ZIM2: variants seen among roughly 807,000 people sequenced by gnomAD.
ZIM2 encodes zinc finger imprinted 2.
A neutral mutation model predicts 38.6 loss-of-function variants in ZIM2; 14 were observed. The ratio of observed to expected loss-of-function variants is 0.36; its 90% CI spans 0.24 to 0.57. The LOEUF is 0.57. Ranked by LOEUF, ZIM2 falls within the 20% of genes least tolerant of loss-of-function variation. The pLI is 0.81. For missense variants in ZIM2, 680 were observed against 695.1 expected (o/e 0.98, Z 0.24); for synonymous variants, 247 against 245.8 (o/e 1.00, Z -0.04).
intron 9 of ZIM2, among the ~76,000 whole-genome samples, chr19:56,796,302 TAC>T (rs1330996895): frequency 6.6e-6 from 1 of 152,264 alleles, no homozygotes; most frequent in African/African-American, 2.4e-5. Context: ...GTACAGTACC[TAC>T]ACATCATTCT....
chr19:56,779,300 G>A, intron 12 of ZIM2, 77 bp downstream of exon 12: 1 of 1,486,330 alleles, frequency 6.7e-7, no homozygotes. Flanking sequence ...CTGGCCCAGG[G>A]GACTTTGAGG....
At chr19:56,786,400 G>A (rs142921141) in intron 10 of ZIM2, among the ~76,000 whole-genome samples, 4 of 152,030 alleles carry the variant, frequency 2.6e-5, no homozygotes, top group African/African-American at 4.8e-5. Context: ...CCTGACACCG[G>A]TAGACGTTGG....
rs1396379618 is a variant in ZIM2, at chr19:56,821,661, G to T, written c.284C>A (p.Ser95Tyr). Residue 95 changes from serine (S) to tyrosine (Y), a missense_variant, in exon 7 of 13, where the codon TCC becomes TAC. Transcript: ENST00000629319. ...GAAACCTGAGCATACCTGAGATCGG[G>T]ACTCATAAGCCCTGGAGTCCCTGTC... is the stretch of plus-strand genomic sequence containing the variant. ...EDDRDSRAYE[S>Y]RSQDAESYQN... 2 of 1,613,940 alleles carry T rather than the reference G, an allele frequency of 1.2e-6. No individual in the cohort carries two copies. Among genetic ancestry groups the T allele is most frequent in the Non-Finnish European group, 1.7e-6 (2 of 1,180,002 alleles).
At chr19:56,795,340 C>T (rs2047145584) in intron 9 of ZIM2, among the ~76,000 whole-genome samples, 1 of 152,226 alleles carries the variant, frequency 6.6e-6, no homozygotes, top group South Asian at 2.1e-4. Context: ...CTCACGAAGC[C>T]GCGCGCTGCC....
intron 2 of ZIM2, among the ~76,000 whole-genome samples, chr19:56,834,594 G>A (rs370033025): frequency 2.5e-4 from 38 of 152,170 alleles, no homozygotes; most frequent in African/African-American, 9.2e-4. Context: ...ATGTCAGTAC[G>A]GTTTTAAGTC....
chr19:56,816,665 CATT>C, intron 9 of ZIM2: 2 of 1,614,052 alleles, frequency 1.2e-6, no homozygotes, highest in Non-Finnish European at 1.7e-6. Context: ...TGTTCACGCT[CATT>C]ATCTTTGTCA....
intron 9 of ZIM2, among the ~76,000 whole-genome samples, chr19:56,803,481 G>A (rs1016887840): frequency 5.9e-5 from 9 of 152,206 alleles, no homozygotes; most frequent in African/African-American, 2.2e-4. Flanking sequence ...ACAGAAAGCA[G>A]AGCTTGTTGC....
intron 9 of ZIM2, among the ~76,000 whole-genome samples, chr19:56,802,090 AG>A (rs1469925007): frequency 6.6e-6 from 1 of 152,120 alleles, no homozygotes; most frequent in African/African-American, 2.4e-5. Context: ...GTCTGAAGGG[AG>A]GGGGAAGAGG....
chr19:56,779,286 TCTC>T (rs1265148060), intron 12 of ZIM2, 88 bp downstream of exon 12: 12 of 1,353,954 alleles, frequency 8.9e-6, no homozygotes, highest in Admixed American at 1.8e-5. Flanking sequence ...CTACCAGACT[TCTC>T]CTGGCCCAGG....
At chr19:56,828,421 C>CAA (rs1260451475) in intron 2 of ZIM2, among the ~76,000 whole-genome samples, 1 of 152,184 alleles carries the variant, frequency 6.6e-6, no homozygotes, top group Admixed American at 6.5e-5. Context: ...AAATCTAACT[C>CAA]ACAGACCCAT....
Position 56,774,688 on chromosome 19 carries a change from T to G in ZIM2, c.1677A>C (p.Ter559CysextTer21). The G allele has an allele frequency of 6.2e-7, 1 of 1,613,456 alleles. No individual in the cohort carries two copies. Among genetic ancestry groups the G allele is most frequent in the Non-Finnish European group, 8.5e-7 (1 of 1,179,542 alleles). ...AGTGTGTGCTGTGACTAAAGGTTTCTCAACAGTGATCGCACTCAACAGTTT... is the reference window on the plus strand; with the variant it reads ...AGTGTGTGCTGTGACTAAAGGTTTCGCAACAGTGATCGCACTCAACAGTTT... The part of the protein sequence containing the change: ...QEKTVECDHC[*>C] The change falls in exon 13 of 13, where the codon TGA (stop) becomes TGC (cysteine). Residue 559 changes from the stop codon to cysteine, a stop_lost. Transcript: ENST00000629319.
intron 12 of ZIM2, among the ~76,000 whole-genome samples, chr19:56,777,371 C>T (rs766157394): frequency 1.3e-5 from 2 of 152,216 alleles, no homozygotes; most frequent in Non-Finnish European, 2.9e-5. Flanking sequence ...AATATTTCAG[C>T]ATGTTCTGTC....
At chr19:56,815,987 G>C in intron 9 of ZIM2, 1 of 1,584,016 alleles carries the variant, frequency 6.3e-7, no homozygotes, top group South Asian at 1.2e-5. Flanking sequence ...CCTCCAGCAC[G>C]AACTCTCTGA....
intron 9 of ZIM2, chr19:56,811,103 T>C: frequency 1.0e-6 from 1 of 984,986 alleles, no homozygotes; most frequent in Non-Finnish European, 1.2e-6. Context: ...GATATGATTT[T>C]TTTTCCTCCA....
At chr19:56,817,227 G>A (rs143987667) in intron 9 of ZIM2, 14 of 1,613,898 alleles carry the variant, frequency 8.7e-6, no homozygotes, top group Middle Eastern at 3.3e-4. Flanking sequence ...CTTTTTGATC[G>A]TGAATCGAGC....
intron 4 of ZIM2, 42 bp from the exon 5 acceptor site, chr19:56,823,721 A>G (rs2060732515): frequency 1.9e-6 from 3 of 1,608,118 alleles, no homozygotes; most frequent in Non-Finnish European, 2.6e-6. Context: ...TCTGGCCCAC[A>G]TTCTCACAAT....
At chr19:56,783,753 C>T (rs1400783590) in intron 10 of ZIM2, among the ~76,000 whole-genome samples, 1 of 152,122 alleles carries the variant, frequency 6.6e-6, no homozygotes, top group Non-Finnish European at 1.5e-5. Context: ...GTGACATACT[C>T]ATTCATGCTC....
chr19:56,795,597 C>A (rs142342307), intron 9 of ZIM2, among the ~76,000 whole-genome samples: 4 of 152,296 alleles, frequency 2.6e-5, no homozygotes, highest in Admixed American at 2.6e-4. Flanking sequence ...CGCTCCTGGC[C>A]AAGTGCCCTG....
At chr19:56,834,918 T>A (rs1202792566) in intron 2 of ZIM2, among the ~76,000 whole-genome samples, 1 of 152,192 alleles carries the variant, frequency 6.6e-6, no homozygotes, top group South Asian at 2.1e-4. Flanking sequence ...CTGTCCTGGA[T>A]CAGGCCCAGT....
Sources: gnomAD v4.1 joint callset for allele counts (sites outside exome capture counted in the v4.1 genomes callset) on GRCh38, gnomAD v4.1.1 for gene constraint, MANE v1.5 for transcripts, NCBI Gene and HGNC (gene_info 2026-07-23, HGNC 2026-07-21) for gene names.